The following OR9Q1 variants were observed in gnomAD, a reference collection of about 807,000 sequenced individuals.
The protein encoded by OR9Q1 is olfactory receptor 9Q1.
For synonymous variants in OR9Q1, 153 were observed against 148.6 expected (o/e 1.03, Z -0.22); for missense variants, 374 against 378.8 (o/e 0.99, Z 0.11).
chr11:58,055,574 G>A (rs1046369351), intron 1 of OR9Q1, among the ~76,000 whole-genome samples: 4 of 152,106 alleles, frequency 2.6e-5, no homozygotes, highest in Non-Finnish European at 5.9e-5. Flanking sequence ...TGAGGCAGAA[G>A]GATCACTTGA....
At chr11:58,150,456 G>A (rs1309399243) in intron 2 of OR9Q1, among the ~76,000 whole-genome samples, 1 of 152,284 alleles carries the variant, frequency 6.6e-6, no homozygotes, top group South Asian at 2.1e-4. Context: ...AAATTGGGTT[G>A]TTTGTTTATT....
intron 2 of OR9Q1, among the ~76,000 whole-genome samples, chr11:58,165,773 G>A (rs766696456): frequency 1.3e-5 from 2 of 152,168 alleles, no homozygotes; most frequent in Non-Finnish European, 2.9e-5. Context: ...CCCAGGCACT[G>A]GATTGAGTAA....
In OR9Q1 at chr11:58,122,906, A is replaced by AT. The variant is rs544323376; in HGVS notation, c.-14-56519dup. Among the ~76,000 whole-genome samples, 182 of 150,944 alleles carry AT rather than the reference A, an allele frequency of 1.2e-3. 1 individual carries two copies. The highest frequency in any genetic ancestry group is 4.1e-3 in the African/African-American group (169 of 41,154). The stretch of plus-strand genomic sequence containing the variant: ...TACATGATATTGTGACATAAATCTC[A>AT]TTTTTTAGCATACACCGTATTTTTG... On this transcript the variant is annotated intron_variant, in intron 2 of 2. Transcript: ENST00000335397.
chr11:58,087,121 T>A (rs948752217), intron 2 of OR9Q1, among the ~76,000 whole-genome samples: 1 of 151,750 alleles, frequency 6.6e-6, no homozygotes, highest in Non-Finnish European at 1.5e-5. Flanking sequence ...ATATATAATA[T>A]ATAAATTATT....
At chr11:58,048,790 A>G (rs1413484680) in intron 1 of OR9Q1, among the ~76,000 whole-genome samples, 1 of 134,648 alleles carries the variant, frequency 7.4e-6, no homozygotes, top group South Asian at 2.6e-4. Flanking sequence ...CAGAAATACA[A>G]ACTGCCATCA....
intron 2 of OR9Q1, among the ~76,000 whole-genome samples, chr11:58,137,183 GCATAA>G (rs536364615): frequency 1.0e-3 from 157 of 152,252 alleles, no homozygotes; most frequent in Admixed American, 3.3e-3. Flanking sequence ...TTATAAAAAT[GCATAA>G]CATGTAGCAA....
At chr11:58,071,522 G>T (rs1853487766) in intron 2 of OR9Q1, among the ~76,000 whole-genome samples, 1 of 151,970 alleles carries the variant, frequency 6.6e-6, no homozygotes, top group Non-Finnish European at 1.5e-5. Context: ...AGCCAGACTT[G>T]TGTTTCTCCT....
In OR9Q1 at chr11:58,180,401, C is replaced by A; in HGVS notation, c.*24C>A. 1 of 1,438,262 alleles carries A rather than the reference C, an allele frequency of 7.0e-7. No individual in the cohort carries two copies. The highest frequency in any genetic ancestry group is 9.5e-7 in the Non-Finnish European group (1 of 1,049,676). 89.1% of individuals were successfully genotyped at this position (1,438,262 alleles called of 1,614,324 possible). The stretch of plus-strand genomic sequence containing the variant: ...AACCATCTCCAAACTTGGAAAATCC[C>A]GAGAACCACCTACTCTGTAGTGTCA... On this transcript the variant is annotated 3_prime_UTR_variant, in exon 3 of 3. Transcript: ENST00000335397.
At chr11:58,156,169 T>G (rs1264098590) in intron 2 of OR9Q1, among the ~76,000 whole-genome samples, 1 of 152,208 alleles carries the variant, frequency 6.6e-6, no homozygotes, top group African/African-American at 2.4e-5. Context: ...CGCCTCGGCC[T>G]CCCAAAGTGC....
At chr11:58,140,353 T>A (rs1854234639) in intron 2 of OR9Q1, among the ~76,000 whole-genome samples, 2 of 152,198 alleles carry the variant, frequency 1.3e-5, no homozygotes, top group African/African-American at 2.4e-5. Flanking sequence ...AGACATGAAG[T>A]CCTTGCCCAT....
rs560196053 is a variant in OR9Q1 at position 58,025,154 on chromosome 11, A to G, written c.-93+1050A>G. 3.1e-4 allele frequency among the ~76,000 whole-genome samples: 47 copies of G among 152,304 alleles called. 1 individual carries two copies. The highest frequency in any genetic ancestry group is 9.9e-4 in the African/African-American group (41 of 41,558). On this transcript the variant is annotated intron_variant, in intron 1 of 2. Coordinates refer to ENST00000335397, the MANE Select transcript of OR9Q1 (RefSeq NM_001005212.4). The stretch of plus-strand genomic sequence containing the variant: ...AGATGGTATCAGCCCATCAGAATCT[A>G]GCCCATGGGAGGGGCTCCGTAAATG...
At chr11:58,069,398 TTCTC>T (rs1487658719) in intron 2 of OR9Q1, among the ~76,000 whole-genome samples, 5 of 152,244 alleles carry the variant, frequency 3.3e-5, no homozygotes, top group African/African-American at 1.2e-4. Flanking sequence ...CATATTCTCT[TTCTC>T]AGCTACACCT....
At chr11:58,160,683 C>A (rs186451409) in intron 2 of OR9Q1, among the ~76,000 whole-genome samples, 68 of 152,114 alleles carry the variant, frequency 4.5e-4, no homozygotes, top group African/African-American at 1.4e-3. Context: ...CATTGTCCAG[C>A]CTGATATATA....
intron 2 of OR9Q1, chr11:58,078,234 GC>G (rs1266246161): frequency 6.6e-6 from 1 of 152,208 alleles, no homozygotes; most frequent in Non-Finnish European, 1.5e-5. Context: ...GAAGTTCATG[GC>G]TTGTAGTGTG....
intron 1 of OR9Q1, among the ~76,000 whole-genome samples, chr11:58,046,687 C>T (rs948256672): frequency 6.6e-6 from 1 of 152,012 alleles, no homozygotes; most frequent in East Asian, 1.9e-4. Context: ...CATGGTGAAA[C>T]CCCGTCTCTA....
At chr11:58,121,101 G>A (rs1435806233) in intron 2 of OR9Q1, among the ~76,000 whole-genome samples, 1 of 152,044 alleles carries the variant, frequency 6.6e-6, no homozygotes, top group Admixed American at 6.6e-5. Context: ...ACACAGAAAA[G>A]GAAATGTCAT....
intron 2 of OR9Q1, among the ~76,000 whole-genome samples, chr11:58,114,244 G>A (rs1448747081): frequency 2.0e-5 from 3 of 152,118 alleles, no homozygotes; most frequent in Admixed American, 2.0e-4. Flanking sequence ...AGACCATCTT[G>A]TTTCTGAATC....
intron 2 of OR9Q1, among the ~76,000 whole-genome samples, chr11:58,174,467 G>A (rs1357957152): frequency 6.6e-6 from 1 of 151,926 alleles, no homozygotes; most frequent in Non-Finnish European, 1.5e-5. Context: ...CAACACAAGA[G>A]CTAACTAAGT....
chr11:58,175,262 G>T (rs1854593924), intron 2 of OR9Q1, among the ~76,000 whole-genome samples: 1 of 152,126 alleles, frequency 6.6e-6, no homozygotes, highest in Admixed American at 6.6e-5. Flanking sequence ...AGTGGAGAAA[G>T]CAGTGGAGTC....
Sources: gnomAD v4.1 joint callset for allele counts (sites outside exome capture counted in the v4.1 genomes callset) on GRCh38, gnomAD v4.1.1 for gene constraint, MANE v1.5 for transcripts, NCBI Gene and HGNC (gene_info 2026-07-23, HGNC 2026-07-21) for gene names.